NCOA7: variants seen among roughly 807,000 people sequenced by gnomAD.
NCOA7 encodes the protein nuclear receptor coactivator 7.
NCOA7 carries 45 observed loss-of-function variants against 104.3 expected under a neutral mutation model. The ratio of observed to expected loss-of-function variants is 0.43; its 90% confidence interval spans 0.34 to 0.55. NCOA7 has a LOEUF of 0.55. Among genes scored for constraint, NCOA7 ranks in the 20% least tolerant of loss-of-function variants. The pLI, the probability that NCOA7 is intolerant of heterozygous loss-of-function variation, is 0.02. For missense variants in NCOA7, 1,041 were observed against 1,119.7 expected, an observed-to-expected ratio of 0.93 and a Z score of 1.00; for synonymous variants, 398 against 402.3, an observed-to-expected ratio of 0.99 and a Z score of 0.13.
intron 13 of NCOA7, among the ~76,000 whole-genome samples, 200 bp downstream of exon 13, chr6:125,923,034 A>G (rs545629640): frequency 2.4e-4 from 36 of 152,162 alleles, no homozygotes; most frequent in Admixed American, 1.4e-3. Flanking sequence ...TCACCCCTAC[A>G]TATTTCAGGA....
chr6:125,809,923 A>G (rs925972924), intron 1 of NCOA7, among the ~76,000 whole-genome samples: 2 of 152,222 alleles, frequency 1.3e-5, no homozygotes, highest in African/African-American at 2.4e-5. Flanking sequence ...ATGCTTTGCT[A>G]TGTGGGTCCA....
chr6:125,858,331 TATCTGGTAGC>T (rs1781759481), intron 3 of NCOA7, among the ~76,000 whole-genome samples: 1 of 152,126 alleles, frequency 6.6e-6, no homozygotes, highest in African/African-American at 2.4e-5. Context: ...TCCTGTGATT[TATCTGGTAGC>T]AGTAAGTAAA....
chr6:125,840,869 T>G (rs13206723), intron 2 of NCOA7, among the ~76,000 whole-genome samples: 16 of 4,214 alleles, frequency 3.8e-3, no homozygotes, highest in African/African-American at 0.011. Flanking sequence ...GTTTGGTTGG[T>G]TTTTTTTTTT....
intron 1 of NCOA7, among the ~76,000 whole-genome samples, chr6:125,784,089 C>T (rs1774352591): frequency 6.6e-6 from 1 of 152,170 alleles, no homozygotes; most frequent in African/African-American, 2.4e-5. Context: ...GTGCCAATTT[C>T]TGATTTGAAA....
At chr6:125,840,869 T>TG (rs1780087833) in intron 2 of NCOA7, among the ~76,000 whole-genome samples, 1 of 4,212 alleles carries the variant, frequency 2.4e-4, no homozygotes, top group African/African-American at 7.0e-4. Flanking sequence ...GTTTGGTTGG[T>TG]TTTTTTTTTT....
chr6:125,804,922 C>T (rs537589533), intron 1 of NCOA7, among the ~76,000 whole-genome samples: 5 of 151,888 alleles, frequency 3.3e-5, no homozygotes, highest in South Asian at 2.1e-4. Flanking sequence ...ATGTGCTTTC[C>T]GGTTAGCTCT....
chr6:125,853,999 A>T (rs1374426259), intron 2 of NCOA7, among the ~76,000 whole-genome samples: 3 of 152,160 alleles, frequency 2.0e-5, no homozygotes, highest in Non-Finnish European at 4.4e-5. Context: ...TCATTTTTCT[A>T]CCCAAACAGG....
At chr6:125,853,965 G>C (rs1441297207) in intron 2 of NCOA7, among the ~76,000 whole-genome samples, 1 of 152,116 alleles carries the variant, frequency 6.6e-6, no homozygotes, top group East Asian at 1.9e-4. Flanking sequence ...TCAAATTTCA[G>C]TCCCTGTGTA....
chr6:125,858,360 G>A (rs1416227439), intron 3 of NCOA7, among the ~76,000 whole-genome samples: 2 of 152,100 alleles, frequency 1.3e-5, no homozygotes, highest in African/African-American at 4.8e-5. Flanking sequence ...AAGAAATGTG[G>A]CCAGGCTCAG....
At chr6:125,853,299 T>C (rs2128618117) in intron 2 of NCOA7, among the ~76,000 whole-genome samples, 1 of 152,340 alleles carries the variant, frequency 6.6e-6, no homozygotes, top group African/African-American at 2.4e-5. Context: ...TCTAGGAATC[T>C]TATGAAGGAG....
At position 125,920,995 on chromosome 6, in the gene NCOA7, A is replaced by G. The variant is rs1375324842; in HGVS notation, c.2297A>G (p.Glu766Gly). ...AGGAAGAGCACATGCAGCTACTATG[A>G]AGACGAGGACGAAGAGGTGCTGCCT... ...KRRKSTCSYY[E>G]DEDEEVLPVL... Residue 766 changes from glutamate (E) to glycine (G), a missense_variant, in exon 12 of 16, where the codon GAA becomes GGA. By Grantham distance (98) the Glu-to-Gly change is moderately conservative. Around this residue, in one of 2 missense-constraint regions of NCOA7, gnomAD observed 914 missense variants for 942.7 expected, o/e 0.97. Transcript: ENST00000392477. 1 of 1,613,916 alleles carries G rather than the reference A, an allele frequency of 6.2e-7. No homozygotes were observed. The highest frequency in any genetic ancestry group is 8.5e-7 in the Non-Finnish European group (1 of 1,179,862).
At chr6:125,852,692 T>C (rs1781224398) in intron 2 of NCOA7, among the ~76,000 whole-genome samples, 1 of 152,236 alleles carries the variant, frequency 6.6e-6, no homozygotes, top group African/African-American at 2.4e-5. Context: ...TGTTTTTGTA[T>C]GCTCTGTCGA....
chr6:125,822,220 A>T (rs1024988337), intron 2 of NCOA7, among the ~76,000 whole-genome samples: 7 of 152,256 alleles, frequency 4.6e-5, no homozygotes, highest in African/African-American at 7.2e-5. Flanking sequence ...TCAGATACTC[A>T]GTCATAGCAC....
At chr6:125,927,820 G>T (rs1788167541) in intron 14 of NCOA7, 62 bp downstream of exon 14, 1 of 1,337,860 alleles carries the variant, frequency 7.5e-7, no homozygotes. Flanking sequence ...TGGGGAAGGG[G>T]ATAGGCATTG....
intron 1 of NCOA7, among the ~76,000 whole-genome samples, chr6:125,803,462 A>G (rs1438347258): frequency 6.6e-6 from 1 of 152,246 alleles, no homozygotes; most frequent in African/African-American, 2.4e-5. Context: ...ACTGAATTGA[A>G]GAAAATTACT....
At chr6:125,787,258 C>A (rs1774516601), upstream of NCOA7, among the ~76,000 whole-genome samples, 1 of 152,104 alleles carries the variant, frequency 6.6e-6, no homozygotes, top group Non-Finnish European at 1.5e-5. Context: ...TGAGACATTA[C>A]TAGTGTTGTA....
intron 2 of NCOA7, among the ~76,000 whole-genome samples, chr6:125,828,957 C>G (rs1274207180): frequency 6.6e-6 from 1 of 152,150 alleles, no homozygotes; most frequent in African/African-American, 2.4e-5. Flanking sequence ...TCTCTTCCTA[C>G]TTGTATCTAA....
intron 3 of NCOA7, among the ~76,000 whole-genome samples, chr6:125,856,512 C>A (rs1233403098): frequency 6.6e-6 from 1 of 151,996 alleles, no homozygotes; most frequent in Non-Finnish European, 1.5e-5. Context: ...GCCACCACGC[C>A]CGGCTAATTT....
chr6:125,825,132 G>A (rs1242711643), intron 2 of NCOA7, among the ~76,000 whole-genome samples: 1 of 137,796 alleles, frequency 7.3e-6, no homozygotes, highest in Non-Finnish European at 1.5e-5. Context: ...GATACCAGGA[G>A]TTTGAGATCA....
Sources: gnomAD v4.1 joint callset for allele counts (sites outside exome capture counted in the v4.1 genomes callset) on GRCh38, gnomAD v4.1.1 for gene constraint, gnomAD v4.1.1 regional missense constraint, MANE v1.5 for transcripts, NCBI Gene and HGNC (gene_info 2026-07-23, HGNC 2026-07-21) for gene names.